ENOX1: variants seen among roughly 807,000 people sequenced by gnomAD.
ENOX1 encodes the protein candidate growth-related and time keeping constitutive hydroquinone (NADH) oxidase.
Under a neutral mutation model 82.5 loss-of-function variants are expected in ENOX1, and 42 were observed. That is an observed-to-expected ratio of 0.51 (90% CI 0.40 to 0.66). The LOEUF (loss-of-function observed/expected upper bound fraction) is 0.66, where lower values mean the gene tolerates loss of function less well. Among genes scored for constraint, ENOX1 ranks in the 30% least tolerant of loss-of-function variants. The pLI is 0.00. For synonymous variants in ENOX1, 271 were observed against 282.2 expected (o/e 0.96, Z 0.40); for missense variants, 608 against 811.6 (o/e 0.75, Z 3.05).
intron 3 of ENOX1, among the ~76,000 whole-genome samples, chr13:43,482,430 C>G (rs1393832676): frequency 6.6e-6 from 1 of 152,060 alleles, no homozygotes; most frequent in Non-Finnish European, 1.5e-5. Context: ...CTAAAGTAGT[C>G]AAACTCATAG....
At chr13:43,326,080 C>G (rs373821480) in intron 10 of ENOX1, among the ~76,000 whole-genome samples, 2 of 152,208 alleles carry the variant, frequency 1.3e-5, no homozygotes, top group South Asian at 2.1e-4. Flanking sequence ...AAAAAAAACC[C>G]TCTGTATTTA....
intron 3 of ENOX1, among the ~76,000 whole-genome samples, chr13:43,482,518 G>C (rs1381683751): frequency 2.6e-5 from 4 of 152,118 alleles, no homozygotes; most frequent in African/African-American, 9.7e-5. Context: ...TAGCACTTTA[G>C]TTAAGCAAGA....
At chr13:43,627,305 A>C (rs993548460) in intron 2 of ENOX1, among the ~76,000 whole-genome samples, 1 of 151,870 alleles carries the variant, frequency 6.6e-6, no homozygotes, top group Middle Eastern at 3.2e-3. Context: ...TCAGTCTGTT[A>C]TCTTTTGTTT....
intron 1 of ENOX1, among the ~76,000 whole-genome samples, chr13:43,776,170 G>A (rs772228472): frequency 9.2e-5 from 14 of 152,178 alleles, no homozygotes; most frequent in Non-Finnish European, 1.8e-4. Flanking sequence ...AGACCAATAT[G>A]TTAGTATGTT....
At chr13:43,334,423 A>C (rs934643671) in intron 9 of ENOX1, among the ~76,000 whole-genome samples, 7 of 152,322 alleles carry the variant, frequency 4.6e-5, no homozygotes, top group African/African-American at 1.7e-4. Flanking sequence ...TGTACTACAC[A>C]CTGGGGATAA....
intron 2 of ENOX1, among the ~76,000 whole-genome samples, chr13:43,564,491 T>TC (rs1395750648): frequency 9.2e-5 from 14 of 152,050 alleles, no homozygotes; most frequent in Non-Finnish European, 1.5e-5. Flanking sequence ...GGAGGAGGCC[T>TC]AAAATAAACA....
intron 2 of ENOX1, among the ~76,000 whole-genome samples, chr13:43,554,428 T>C (rs2079345336): frequency 1.3e-5 from 2 of 152,216 alleles, no homozygotes; most frequent in African/African-American, 4.8e-5. Context: ...CTATACAATT[T>C]ACAAAGTACT....
At position 43,361,468 on chromosome 13, in the gene ENOX1, G is replaced by C. The variant is rs1386367414; in HGVS notation, c.209-16C>G. On this transcript the variant is annotated splice_polypyrimidine_tract_variant and intron_variant, in intron 5 of 16. Coordinates refer to ENST00000690772, the MANE Select transcript of ENOX1 (RefSeq NM_001347969.2). The stretch of plus-strand genomic sequence containing the variant: ...CAGATTGAGTCTGTAAAGTATACAA[G>C]ATAACATTTTGACTGGAGATTAAAT... 6 of 1,585,354 alleles carry C rather than the reference G, an allele frequency of 3.8e-6. No homozygotes were observed. In the African/African-American group the frequency reaches 8.2e-5, roughly 22 times the overall value.
At chr13:43,772,853 G>A (rs987669928) in intron 1 of ENOX1, among the ~76,000 whole-genome samples, 13 of 151,762 alleles carry the variant, frequency 8.6e-5, no homozygotes, top group African/African-American at 2.4e-4. Context: ...TATCTTCAGC[G>A]TTCTGCATCA....
intron 15 of ENOX1, among the ~76,000 whole-genome samples, chr13:43,228,156 G>A (rs1316718683): frequency 7.2e-6 from 1 of 138,254 alleles, no homozygotes; most frequent in Non-Finnish European, 1.5e-5. Context: ...GATGGAAAAA[G>A]GATGGCTGTA....
intron 11 of ENOX1, among the ~76,000 whole-genome samples, chr13:43,310,348 T>C (rs1016014930): frequency 3.2e-4 from 48 of 152,220 alleles, no homozygotes; most frequent in African/African-American, 1.1e-3. Context: ...TGAGGTGACC[T>C]TGATTGAATT....
intron 3 of ENOX1, among the ~76,000 whole-genome samples, chr13:43,425,467 TAGG>T (rs1400229526): frequency 6.6e-6 from 1 of 152,208 alleles, no homozygotes; most frequent in African/African-American, 2.4e-5. Flanking sequence ...TCCTTTTCAA[TAGG>T]AGGAGATATT....
At chr13:43,633,295 G>A (rs2083289834) in intron 2 of ENOX1, among the ~76,000 whole-genome samples, 1 of 152,140 alleles carries the variant, frequency 6.6e-6, no homozygotes, top group African/African-American at 2.4e-5. Context: ...GACCATTGAT[G>A]AGAAAATAAA....
At chr13:43,605,093 T>TA (rs2081918793) in intron 2 of ENOX1, among the ~76,000 whole-genome samples, 1 of 151,864 alleles carries the variant, frequency 6.6e-6, no homozygotes, top group South Asian at 2.1e-4. Context: ...ATAAAATACA[T>TA]AAAAATATGT....
intron 16 of ENOX1, among the ~76,000 whole-genome samples, chr13:43,223,447 C>T (rs973502140): frequency 3.3e-5 from 5 of 152,090 alleles, no homozygotes; most frequent in Admixed American, 2.0e-4. Context: ...ACAAATACTG[C>T]GGTGGGGTAG....
At position 43,362,780 on chromosome 13, in the gene ENOX1, A is replaced by G. The variant is rs139919393; in HGVS notation, c.209-1328T>C. On this transcript the variant is annotated intron_variant, in intron 5 of 16. Transcript: ENST00000690772. ...TTACAGATTCCGCCAGCTACTTTGG[A>G]CATTTCCACTCCTCCTCTGGGCTGA... Among the ~76,000 whole-genome samples the G allele has an allele frequency of 9.2e-5, 14 of 152,308 alleles. No individual in the cohort carries two copies. In the East Asian group the frequency reaches 2.5e-3, roughly 27 times the overall value.
At chr13:43,472,620 T>C (rs1298996810) in intron 3 of ENOX1, among the ~76,000 whole-genome samples, 1 of 152,130 alleles carries the variant, frequency 6.6e-6, no homozygotes, top group Non-Finnish European at 1.5e-5. Flanking sequence ...GAGCATCATA[T>C]CTGCAGCACC....
At chr13:43,593,698 A>T (rs1178837624) in intron 2 of ENOX1, among the ~76,000 whole-genome samples, 1 of 143,266 alleles carries the variant, frequency 7.0e-6, no homozygotes. Flanking sequence ...ACACACACAC[A>T]CACACACACA....
At chr13:43,482,205 C>G (rs146466807) in intron 3 of ENOX1, among the ~76,000 whole-genome samples, 94 of 152,276 alleles carry the variant, frequency 6.2e-4, no homozygotes, top group Admixed American at 9.8e-4. Context: ...TTCACTGCAG[C>G]ATTATTCGCA....
Sources: allele counts gnomAD v4.1 joint callset (sites outside exome capture counted in the v4.1 genomes callset), GRCh38; gene constraint gnomAD v4.1.1; transcripts MANE v1.5; gene names NCBI Gene and HGNC (gene_info 2026-07-23, HGNC 2026-07-21).